Variants in DRC7 observed in about 807,000 individuals in gnomAD.
The protein encoded by DRC7 is coiled-coil domain containing 135.
A neutral mutation model predicts 104.4 loss-of-function variants in DRC7; 80 were observed. That is an observed-to-expected ratio of 0.77 (90% CI 0.64 to 0.92). DRC7 has a LOEUF of 0.92. Among genes scored for constraint, DRC7 ranks in the 40% least tolerant of loss-of-function variants. DRC7 has a pLI of 0.00. For missense variants in DRC7, 1,034 were observed against 1,141.1 expected (o/e 0.91, Z 1.35); for synonymous variants, 405 against 447.3 (o/e 0.91, Z 1.19).
chr16:57,730,192 A>G (rs1381380992), intron 17 of DRC7, among the ~76,000 whole-genome samples: 36 of 88,160 alleles, frequency 4.1e-4, no homozygotes, highest in Non-Finnish European at 5.2e-4. Flanking sequence ...AGAGTGGGTG[A>G]GTGGATGGAT....
rs773693875 is a variant in DRC7, at chr16:57,702,153, C to T, written c.699+23C>T. On this transcript the variant is annotated intron_variant, in intron 6 of 18. Coordinates refer to ENST00000360716, the MANE Select transcript of DRC7 (RefSeq NM_001289162.2). The stretch of plus-strand genomic sequence containing the variant: ...GAGGTATGGTCGGGCTTGAGCTGCC[C>T]GGGTTTCCCAAAGGATGAACATTCC... The T allele has an allele frequency of 4.3e-6, 7 of 1,611,216 alleles. No homozygotes were observed. In the South Asian group the frequency reaches 4.4e-5, roughly 10 times the overall value.
At chr16:57,695,350 T>C in intron 1 of DRC7, among the ~76,000 whole-genome samples, 1 of 151,176 alleles carries the variant, frequency 6.6e-6, no homozygotes, top group Non-Finnish European at 1.5e-5. Context: ...TGCTACTTAC[T>C]GGCTGTACCT....
intron 16 of DRC7, 72 bp downstream of exon 16, chr16:57,727,481 T>C: frequency 9.0e-7 from 1 of 1,111,074 alleles, no homozygotes; most frequent in Non-Finnish European, 1.4e-6. Flanking sequence ...GTGGGGACCA[T>C]GAGGGATTCT....
intron 3 of DRC7, 97 bp downstream of exon 3, chr16:57,698,249 C>T: frequency 6.4e-7 from 1 of 1,561,260 alleles, no homozygotes; most frequent in Non-Finnish European, 8.7e-7. Flanking sequence ...GTAGGGTGAC[C>T]AGGAGATAGA....
At chr16:57,728,245 C>T in intron 16 of DRC7, 145 bp from the exon 17 acceptor site, 1 of 643,180 alleles carries the variant, frequency 1.6e-6, no homozygotes. Context: ...AGCATGTGGG[C>T]CCTTCTAAGG....
intron 6 of DRC7, among the ~76,000 whole-genome samples, chr16:57,702,530 G>A (rs1207531565): frequency 2.0e-5 from 3 of 152,198 alleles, no homozygotes; most frequent in Admixed American, 6.5e-5. Flanking sequence ...CAGGTGCGGT[G>A]GCTCATGCCT....
intron 1 of DRC7, among the ~76,000 whole-genome samples, chr16:57,696,047 C>T (rs1415149026): frequency 1.3e-5 from 2 of 152,216 alleles, no homozygotes; most frequent in East Asian, 3.8e-4. Flanking sequence ...CCTTACTACT[C>T]GCCCCCTTTG....
At chr16:57,700,077 A>C in intron 4 of DRC7, 68 bp from the exon 5 acceptor site, 1 of 1,545,494 alleles carries the variant, frequency 6.5e-7, no homozygotes, top group Non-Finnish European at 8.8e-7. Context: ...GATTCAAGGA[A>C]GGCCCCAAGC....
At chr16:57,718,611 G>A in intron 9 of DRC7, 136 bp downstream of exon 9, 2 of 1,099,396 alleles carry the variant, frequency 1.8e-6, no homozygotes, top group South Asian at 3.0e-5. Flanking sequence ...AAAGCAGGAA[G>A]GCTTGAGCAA....
In DRC7 at chr16:57,730,016, A is replaced by G. The variant is rs374606850; in HGVS notation, c.2392-915A>G. On this transcript the variant is annotated intron_variant, in intron 17 of 18. Transcript: ENST00000360716. ...TGGATGGGCGAGTGGATAGATGGAC[A>G]GTTGGATGGATGAGTGGAAGGACGG... is the stretch of plus-strand genomic sequence containing the variant. Among the ~76,000 whole-genome samples the G allele has an allele frequency of 3.4e-3, 331 of 97,182 alleles. 4 individuals carry two copies. Among genetic ancestry groups the G allele is most frequent in the South Asian group, 0.028 (73 of 2,580 alleles). The allele number at this position is 97,182 out of a possible 152,430, so 63.8% of individuals were successfully genotyped here. A position where few individuals can be genotyped will look rare whatever the true frequency, so the allele number is the denominator to read the frequency against.
At chr16:57,722,943 G>C in intron 11 of DRC7, 59 bp from the exon 12 acceptor site, 1 of 1,612,978 alleles carries the variant, frequency 6.2e-7, no homozygotes, top group East Asian at 2.2e-5. Context: ...CCTGGAATAA[G>C]GGGGGTTGAA....
chr16:57,726,165 G>C lies in DRC7; in HGVS notation c.1856G>C (p.Arg619Pro), dbSNP rs1384146298. 6 of 1,613,124 alleles carry C rather than the reference G, an allele frequency of 3.7e-6. No homozygotes were observed. The highest frequency in any genetic ancestry group is 5.1e-6 in the Non-Finnish European group (6 of 1,180,026). Residue 619 changes from arginine to proline, a missense_variant, in exon 14 of 19, where the codon CGC becomes CCC. Physicochemically the swap from Arg to Pro is moderately radical, Grantham distance 103. Coordinates refer to ENST00000360716, the MANE Select transcript of DRC7 (RefSeq NM_001289162.2). The part of the protein sequence containing the change: ...FLVAEERIQL[R>P]YHCREDHITA... Reference sequence around the variant, plus strand: ...GTCGCGGAGGAGCGCATCCAGCTGCGCTACCACTGCCGTGAGGACCACATC... The same window carrying C: ...GTCGCGGAGGAGCGCATCCAGCTGCCCTACCACTGCCGTGAGGACCACATC...
Position 57,707,681 on chromosome 16 carries a change from GC to G in DRC7, c.1077+5del, listed in dbSNP as rs866695051. 1.9e-6 allele frequency: 3 copies of G among 1,612,674 alleles called. No homozygotes were observed. The highest frequency in any genetic ancestry group is 2.5e-6 in the Non-Finnish European group (3 of 1,179,676). ...AGGATTGCTGGAACTGCTGCAAGGT[GC>G]CTAGGGAGGGGGAGCTGGGTGGGTG... On this transcript the variant is annotated splice_donor_region_variant and intron_variant, in intron 8 of 18. Transcript: ENST00000360716.
intron 16 of DRC7, 92 bp downstream of exon 16, chr16:57,727,501 C>T: frequency 2.2e-6 from 2 of 896,732 alleles, no homozygotes; most frequent in African/African-American, 1.6e-5. Context: ...TGCTGAGAAA[C>T]CCTCTGTGGG....
At position 57,695,526 on chromosome 16, in the gene DRC7, G is replaced by A. The variant is rs371345512; in HGVS notation, c.-169+674G>A. The stretch of plus-strand genomic sequence containing the variant: ...GCATTCAGCAAACTGTAAATGCCTT[G>A]TAATGGTGATGACTGCCCTTCCTGG... On this transcript the variant is annotated intron_variant, in intron 1 of 18. Coordinates refer to ENST00000360716, the MANE Select transcript of DRC7 (RefSeq NM_001289162.2). Among the ~76,000 whole-genome samples, 29 of 152,340 alleles carry A rather than the reference G, an allele frequency of 1.9e-4. 1 individual carries two copies. The East Asian group carries it at 4.2e-3, about 22-fold the overall frequency.
intron 6 of DRC7, among the ~76,000 whole-genome samples, chr16:57,704,376 T>TACACACACACACACAC (rs55873452): frequency 9.8e-4 from 146 of 149,094 alleles, no homozygotes; most frequent in African/African-American, 3.4e-3. Context: ...CACGCAAGCG[T>TACACACACACACACAC]ACACACACAC....
chr16:57,698,935 G>C lies in DRC7; in HGVS notation c.289G>C (p.Val97Leu). ...NTPKEEHLLQ[V>L]ADNFSRQYSH... ...ACCCAAGGAGGAACACCTGCTGCAG[G>C]TGGCAGACAACTTCTCCCGCCAGTA... The change falls in exon 4 of 19, where the codon GTG becomes CTG. Residue 97 changes from valine (V) to leucine (L), a missense_variant. Physicochemically the swap from Val to Leu is conservative, Grantham distance 32. Transcript: ENST00000360716. 1 of 1,614,186 alleles carries C rather than the reference G, an allele frequency of 6.2e-7. No homozygotes were observed. Among genetic ancestry groups the C allele is most frequent in the Admixed American group, 1.7e-5 (1 of 60,018 alleles).
chr16:57,696,790 T>G (rs1001011031), intron 2 of DRC7, among the ~76,000 whole-genome samples, 196 bp downstream of exon 2: 4 of 152,242 alleles, frequency 2.6e-5, no homozygotes, highest in Non-Finnish European at 4.4e-5. Flanking sequence ...TGCAGGCACC[T>G]TCACTCTCTG....
intron 12 of DRC7, among the ~76,000 whole-genome samples, chr16:57,723,576 A>G (rs531064436): frequency 1.3e-5 from 2 of 152,218 alleles, no homozygotes; most frequent in South Asian, 4.1e-4. Flanking sequence ...AAAAATATAA[A>G]AATTAGCCAG....
Sources: gnomAD v4.1 joint callset for allele counts (sites outside exome capture counted in the v4.1 genomes callset) on GRCh38, gnomAD v4.1.1 for gene constraint, MANE v1.5 for transcripts, NCBI Gene and HGNC (gene_info 2026-07-23, HGNC 2026-07-21) for gene names.